ADAMTS14: variants seen among roughly 807,000 people sequenced by gnomAD.
ADAMTS14 encodes ADAM metallopeptidase with thrombospondin type 1 motif 14, also known as A disintegrin and metalloproteinase with thrombospondin motifs 14.
A neutral mutation model predicts 128.6 loss-of-function variants in ADAMTS14; 100 were observed. That is an observed-to-expected ratio of 0.78 (90% CI 0.66 to 0.92). ADAMTS14 has a LOEUF of 0.92. Among genes scored for constraint, ADAMTS14 ranks in the 40% least tolerant of loss-of-function variants. The pLI is 0.00. For synonymous variants in ADAMTS14, 665 were observed against 653.8 expected, an observed-to-expected ratio of 1.02 and a Z score of -0.26; for missense variants, 1,562 against 1,658.6, an observed-to-expected ratio of 0.94 and a Z score of 1.01.
chr10:70,705,940 T>A (rs772298116), intron 3 of ADAMTS14, among the ~76,000 whole-genome samples: 2 of 152,232 alleles, frequency 1.3e-5, no homozygotes, highest in Non-Finnish European at 2.9e-5. Flanking sequence ...CTTGAGTACA[T>A]ACTTAGCAGT....
At chr10:70,750,049 T>C in intron 16 of ADAMTS14, 64 bp downstream of exon 16, 1 of 1,582,822 alleles carries the variant, frequency 6.3e-7, no homozygotes, top group Non-Finnish European at 8.6e-7. Context: ...GCTCGCTACA[T>C]CTGCTGCCAA....
intron 15 of ADAMTS14, among the ~76,000 whole-genome samples, 183 bp from the exon 16 acceptor site, chr10:70,749,639 G>GTGCA (rs1554823178): frequency 9.4e-5 from 14 of 149,482 alleles, no homozygotes; most frequent in African/African-American, 3.4e-4. Context: ...GTGTGTGTGC[G>GTGCA]CGCACGTGGG....
intron 2 of ADAMTS14, among the ~76,000 whole-genome samples, chr10:70,698,074 A>G (rs1401422801): frequency 6.6e-6 from 1 of 152,210 alleles, no homozygotes; most frequent in Non-Finnish European, 1.5e-5. Context: ...ATGTGGCTCA[A>G]TTGGATGTAA....
intron 4 of ADAMTS14, among the ~76,000 whole-genome samples, chr10:70,726,912 C>T (rs193149627): frequency 3.3e-5 from 5 of 152,338 alleles, no homozygotes; most frequent in African/African-American, 4.8e-5. Flanking sequence ...CCCTGCTGCT[C>T]GTTGGACTAT....
chr10:70,700,657 G>T (rs949755815), intron 2 of ADAMTS14, among the ~76,000 whole-genome samples: 1 of 152,158 alleles, frequency 6.6e-6, no homozygotes, highest in Non-Finnish European at 1.5e-5. Context: ...AGGCCAGGGG[G>T]TTTGAGTTGA....
chr10:70,696,419 T>C (rs1840334376), intron 2 of ADAMTS14, among the ~76,000 whole-genome samples: 1 of 152,070 alleles, frequency 6.6e-6, no homozygotes, highest in Non-Finnish European at 1.5e-5. Flanking sequence ...AAGCTGTTAG[T>C]CTTAACAGGG....
chr10:70,690,329 G>A lies in ADAMTS14; in HGVS notation c.523-11983G>A, dbSNP rs985727263. ...TGGGCAGGGTTAAGGACAGGACCAT[G>A]CCACCTGTCTGGGGTCTTCTGGCCA... is the stretch of plus-strand genomic sequence containing the variant. On this transcript the variant is annotated intron_variant, in intron 2 of 21. Coordinates refer to ENST00000373207, the MANE Select transcript of ADAMTS14 (RefSeq NM_080722.4). Among the ~76,000 whole-genome samples, 11 of 144,552 alleles carry A rather than the reference G, an allele frequency of 7.6e-5. 2 individuals carry two copies. Among genetic ancestry groups the A allele is most frequent in the African/African-American group, 1.2e-4 (5 of 40,846 alleles). 94.8% of individuals were successfully genotyped at this position (144,552 alleles called of 152,430 possible).
intron 2 of ADAMTS14, among the ~76,000 whole-genome samples, chr10:70,698,064 A>G (rs1840387904): frequency 6.6e-6 from 1 of 152,218 alleles, no homozygotes; most frequent in African/African-American, 2.4e-5. Context: ...GCCTATGGGT[A>G]TGTGGCTCAA....
intron 14 of ADAMTS14, 68 bp downstream of exon 14, chr10:70,744,257 C>G: frequency 6.9e-7 from 1 of 1,457,802 alleles, no homozygotes; most frequent in Non-Finnish European, 9.1e-7. Context: ...TCAGGGGGCC[C>G]TCCCTCCTTG....
At chr10:70,683,864 G>A (rs563546187) in intron 2 of ADAMTS14, among the ~76,000 whole-genome samples, 4 of 152,262 alleles carry the variant, frequency 2.6e-5, no homozygotes, top group South Asian at 4.2e-4. Flanking sequence ...CCAGTAGGCC[G>A]TCTCAGGGTA....
At chr10:70,745,148 G>A in intron 14 of ADAMTS14, 78 bp from the exon 15 acceptor site, 1 of 1,386,572 alleles carries the variant, frequency 7.2e-7, no homozygotes, top group East Asian at 2.3e-5. Context: ...TGGGTGCCCA[G>A]TGAGGGAGTG....
intron 7 of ADAMTS14, 129 bp downstream of exon 7, chr10:70,732,488 A>C (rs10740357): frequency 0.75 from 608,814 of 813,446 alleles, 230,969 homozygotes; most frequent in Non-Finnish European, 0.79. Context: ...GAGGAGCTGG[A>C]CTGCCACTGC....
intron 2 of ADAMTS14, among the ~76,000 whole-genome samples, chr10:70,675,594 G>C (rs995276821): frequency 6.6e-6 from 1 of 152,184 alleles, no homozygotes; most frequent in Admixed American, 6.5e-5. Context: ...CCCAGAGCCA[G>C]CCTGCTCTTT....
intron 2 of ADAMTS14, among the ~76,000 whole-genome samples, chr10:70,684,452 A>T (rs1451476253): frequency 1.3e-5 from 2 of 152,224 alleles, no homozygotes; most frequent in Non-Finnish European, 2.9e-5. Flanking sequence ...TGAGGGAAGG[A>T]GTGGTAAAGT....
chr10:70,689,447 C>T (rs530392362), intron 2 of ADAMTS14, among the ~76,000 whole-genome samples: 1 of 144,974 alleles, frequency 6.9e-6, no homozygotes, highest in African/African-American at 2.4e-5. Flanking sequence ...GGGTGGCCTT[C>T]GAGCTGGGTG....
chr10:70,673,153 GTC>G (rs1839533012), intron 1 of ADAMTS14, among the ~76,000 whole-genome samples: 1 of 152,276 alleles, frequency 6.6e-6, no homozygotes, highest in East Asian at 1.9e-4. Flanking sequence ...CTGTCTCTTT[GTC>G]TCTCTGTGTT....
At chr10:70,724,281 C>G (rs959279677) in intron 4 of ADAMTS14, among the ~76,000 whole-genome samples, 4 of 152,168 alleles carry the variant, frequency 2.6e-5, no homozygotes, top group African/African-American at 7.2e-5. Context: ...TTGAACATGG[C>G]GCAGAGGTGA....
rs116193948 is a variant in ADAMTS14 at position 70,756,911 on chromosome 10, G to A, written c.2938-1051G>A. ...CCTATTCATATAATCAACTTTCACA[G>A]CCCCTTATGAGACTGACTGAGCAGT... On this transcript the variant is annotated intron_variant, in intron 19 of 21. Coordinates refer to ENST00000373207, the MANE Select transcript of ADAMTS14 (RefSeq NM_080722.4). 2.5e-3 allele frequency among the ~76,000 whole-genome samples: 386 copies of A among 152,262 alleles called. 1 individual carries two copies. The highest frequency in any genetic ancestry group is 8.9e-3 in the African/African-American group (371 of 41,536).
In ADAMTS14 at chr10:70,751,593, C is replaced by T. The variant is rs1564558827; in HGVS notation, c.2543C>T (p.Thr848Ile). The T allele has an allele frequency of 3.1e-6, 5 of 1,613,438 alleles. No homozygotes were observed. The African/African-American group carries it at 6.7e-5, about 22-fold the overall frequency. Residue 848 changes from threonine (T) to isoleucine (I), a missense_variant, in exon 17 of 22, where the codon ACC (threonine) becomes ATC (isoleucine). Thr to Ile is a moderately conservative substitution (Grantham distance 89, BLOSUM62 -1). Coordinates refer to ENST00000373207, the MANE Select transcript of ADAMTS14 (RefSeq NM_080722.4). ...SNNVLLEEMD[T>I]YEWALKSWAP... ...AATGTGCTCCTGGAGGAGATGGACA[C>T]CTATGAGTGGGCGCTCAAGAGCTGG... is the stretch of plus-strand genomic sequence containing the variant.
Sources: allele counts gnomAD v4.1 joint callset (sites outside exome capture counted in the v4.1 genomes callset), GRCh38; gene constraint gnomAD v4.1.1; transcripts MANE v1.5; gene names NCBI Gene and HGNC (gene_info 2026-07-23, HGNC 2026-07-21).